Variants in SLC22A15 observed in about 807,000 individuals in gnomAD.
SLC22A15 encodes flipt 1.
In SLC22A15, 45 loss-of-function variants were observed where a neutral mutation model predicts 62.7. That is an observed-to-expected ratio of 0.72 (90% CI 0.56 to 0.92). SLC22A15 has a LOEUF of 0.92. Among genes scored for constraint, SLC22A15 ranks in the 40% least tolerant of loss-of-function variants. The pLI, the probability that SLC22A15 is intolerant of heterozygous loss-of-function variation, is 0.00. For missense variants in SLC22A15, 622 were observed against 665.6 expected (o/e 0.93, Z 0.72); for synonymous variants, 264 against 267.0 (o/e 0.99, Z 0.11).
At chr1:116,012,207 C>T (rs537902321) in intron 2 of SLC22A15, among the ~76,000 whole-genome samples, 3 of 152,072 alleles carry the variant, frequency 2.0e-5, no homozygotes, top group African/African-American at 7.2e-5. Flanking sequence ...GTTTAGGTCA[C>T]AGGAAAAAAC....
intron 2 of SLC22A15, among the ~76,000 whole-genome samples, chr1:116,014,418 A>G (rs1201844630): frequency 6.6e-6 from 1 of 152,240 alleles, no homozygotes; most frequent in Non-Finnish European, 1.5e-5. Context: ...AAAATAGAGT[A>G]TATTGAATGC....
chr1:116,069,683 T>C lies in SLC22A15; in HGVS notation c.*2575T>C, dbSNP rs1658574046. The C allele has an allele frequency of 6.6e-6, 1 of 152,176 alleles. No individual in the cohort carries two copies. Among genetic ancestry groups the C allele is most frequent in the African/African-American group, 2.4e-5 (1 of 41,450 alleles). 9.4% of individuals were successfully genotyped at this position (152,176 alleles called of 1,614,324 possible). A position where few individuals can be genotyped will look rare whatever the true frequency, so the allele number is the denominator to read the frequency against. ...GTAAAACCAATACTTGTTATTTGGC[T>C]ACTTTCAAGCAATGCAGATATTCTT... On this transcript the variant is annotated 3_prime_UTR_variant, in exon 12 of 12. Coordinates refer to ENST00000369503, the MANE Select transcript of SLC22A15 (RefSeq NM_018420.3).
At position 116,067,046 on chromosome 1, in the gene SLC22A15, A is replaced by T. The variant is rs1335929550; in HGVS notation, c.1582A>T (p.Ser528Cys). ...QCVDKESSLG[S>C]ESEEEEEFYD... ...TGTGGACAAGGAGAGCTCTTTAGGG[A>T]GTGAGAGTGAGGAAGAGGAAGAATT... Residue 528 changes from serine to cysteine, a missense_variant, in exon 12 of 12, where the codon AGT becomes TGT. Transcript: ENST00000369503. 3.1e-6 allele frequency: 5 copies of T among 1,612,460 alleles called. No homozygotes were observed. The highest frequency in any genetic ancestry group is 4.2e-6 in the Non-Finnish European group (5 of 1,179,414).
intron 4 of SLC22A15, among the ~76,000 whole-genome samples, chr1:116,023,012 T>C (rs1282120217): frequency 6.6e-6 from 1 of 152,240 alleles, no homozygotes; most frequent in African/African-American, 2.4e-5. Flanking sequence ...TGATTTTATC[T>C]ACACCTGTGG....
At chr1:116,038,017 A>G (rs1226856859) in intron 8 of SLC22A15, among the ~76,000 whole-genome samples, 1 of 152,208 alleles carries the variant, frequency 6.6e-6, no homozygotes, top group Non-Finnish European at 1.5e-5. Context: ...GCCCCTGTGT[A>G]GACATTCTGT....
chr1:116,064,644 T>A, intron 10 of SLC22A15, 136 bp downstream of exon 10: 1 of 665,766 alleles, frequency 1.5e-6, no homozygotes, highest in Non-Finnish European at 2.7e-6. Context: ...CCCTTTTAGA[T>A]AGTATTCCGT....
intron 8 of SLC22A15, among the ~76,000 whole-genome samples, chr1:116,050,175 A>T (rs183494605): frequency 3.1e-4 from 47 of 152,274 alleles, no homozygotes; most frequent in Non-Finnish European, 5.9e-4. Context: ...CATTTAACAA[A>T]CTGATACCAA....
At chr1:116,005,723 G>A (rs1254027009) in intron 2 of SLC22A15, among the ~76,000 whole-genome samples, 1 of 152,154 alleles carries the variant, frequency 6.6e-6, no homozygotes, top group South Asian at 2.1e-4. Flanking sequence ...GGAGAAAGAA[G>A]CTTCCAGAGT....
Position 116,069,281 on chromosome 1 carries a change from T to C in SLC22A15, c.*2173T>C, listed in dbSNP as rs1438512109. 6.6e-6 allele frequency: 1 copy of C among 152,248 alleles called. No individual in the cohort carries two copies. Among genetic ancestry groups the C allele is most frequent in the African/African-American group, 2.4e-5 (1 of 41,470 alleles). The allele number at this position is 152,248 out of a possible 1,614,324, so 9.4% of individuals were successfully genotyped here. The stretch of plus-strand genomic sequence containing the variant: ...GAGCAAAACTTAATAATTACTGTTT[T>C]TTATTTCCACTGCCTTTATAAAATC... On this transcript the variant is annotated 3_prime_UTR_variant, in exon 12 of 12. Coordinates refer to ENST00000369503, the MANE Select transcript of SLC22A15 (RefSeq NM_018420.3).
rs1557900999 is a variant in SLC22A15, at chr1:116,037,373, C to T, written c.1156C>T (p.Leu386Phe). Reference sequence around the variant, plus strand: ...ACTGGCTTGTCTTATTGTAATGTTTCTTCCAGAAAAGAAAGGTATGCCTTT... The same window carrying T: ...ACTGGCTTGTCTTATTGTAATGTTTTTTCCAGAAAAGAAAGGTATGCCTTT... ...GGLACLIVMF[L>F]PEKKDTGVFA... is the part of the protein sequence containing the mutation. The change falls in exon 8 of 12, where the codon CTT (leucine) becomes TTT (phenylalanine). Residue 386 changes from leucine to phenylalanine, a missense_variant. Leu to Phe is a conservative substitution (Grantham distance 22). Coordinates refer to ENST00000369503, the MANE Select transcript of SLC22A15 (RefSeq NM_018420.3). 3 of 1,612,850 alleles carry T rather than the reference C, an allele frequency of 1.9e-6. No homozygotes were observed. Among genetic ancestry groups the T allele is most frequent in the Non-Finnish European group, 2.5e-6 (3 of 1,179,162 alleles).
intron 5 of SLC22A15, 76 bp from the exon 6 acceptor site, chr1:116,031,290 C>G: frequency 9.0e-7 from 1 of 1,108,102 alleles, no homozygotes; most frequent in Middle Eastern, 2.9e-4. Flanking sequence ...AATCCACGTA[C>G]TGAGTAGGTG....
chr1:115,998,944 C>A (rs1212600602), intron 2 of SLC22A15, among the ~76,000 whole-genome samples: 1 of 152,074 alleles, frequency 6.6e-6, no homozygotes, highest in Non-Finnish European at 1.5e-5. Context: ...CTTATTACTG[C>A]TGTATTCCAT....
chr1:115,999,657 C>A (rs1655619621), intron 2 of SLC22A15, among the ~76,000 whole-genome samples: 1 of 151,884 alleles, frequency 6.6e-6, no homozygotes, highest in African/African-American at 2.4e-5. Context: ...GTGTGTGCTA[C>A]CATGCCCAGC....
At chr1:116,054,069 G>A (rs1239532592) in intron 8 of SLC22A15, among the ~76,000 whole-genome samples, 1 of 151,880 alleles carries the variant, frequency 6.6e-6, no homozygotes, top group Non-Finnish European at 1.5e-5. Context: ...AACTTTAAAT[G>A]TAAATGGACT....
chr1:116,023,185 A>G (rs1266698504), intron 4 of SLC22A15, among the ~76,000 whole-genome samples: 1 of 152,206 alleles, frequency 6.6e-6, no homozygotes, highest in Non-Finnish European at 1.5e-5. Flanking sequence ...CAATATGTAA[A>G]CATATACCAA....
At chr1:116,054,592 A>T (rs1557907381) in intron 8 of SLC22A15, among the ~76,000 whole-genome samples, 1 of 152,204 alleles carries the variant, frequency 6.6e-6, no homozygotes, top group East Asian at 1.9e-4. Flanking sequence ...CCCCAAATCA[A>T]CAGAATATAC....
chr1:116,047,200 G>A (rs1483135761), intron 8 of SLC22A15, among the ~76,000 whole-genome samples: 8 of 152,088 alleles, frequency 5.3e-5, no homozygotes, highest in African/African-American at 2.4e-5. Context: ...AGGCTGAGGC[G>A]GGCAGATCAC....
chr1:116,048,116 T>C (rs1429777120), intron 8 of SLC22A15, among the ~76,000 whole-genome samples: 1 of 152,162 alleles, frequency 6.6e-6, no homozygotes, highest in Admixed American at 6.6e-5. Context: ...ATAATTGGTG[T>C]TCCTGAGGAA....
intron 2 of SLC22A15, among the ~76,000 whole-genome samples, chr1:116,002,174 C>T (rs1459230186): frequency 3.9e-5 from 6 of 152,160 alleles, no homozygotes; most frequent in African/African-American, 1.2e-4. Flanking sequence ...TTGTTCTCTT[C>T]CCTTACTGTT....
Sources: gnomAD v4.1 joint callset for allele counts (sites outside exome capture counted in the v4.1 genomes callset) on GRCh38, gnomAD v4.1.1 for gene constraint, MANE v1.5 for transcripts, NCBI Gene and HGNC (gene_info 2026-07-23, HGNC 2026-07-21) for gene names.